Variants in PRPF19 observed in about 807,000 individuals in gnomAD.
PRPF19 encodes the protein pre-mRNA-processing factor 19.
A neutral mutation model predicts 64.2 loss-of-function variants in PRPF19; 2 were observed. The observed-to-expected ratio is 0.03, with a 90% CI of 0.01 to 0.10. PRPF19 has a LOEUF of 0.10. Ranked by LOEUF, PRPF19 falls within the 10% of genes least tolerant of loss-of-function variation. The pLI is 1.00. For missense variants in PRPF19, 314 were observed against 650.0 expected (o/e 0.48, Z 5.62); for synonymous variants, 226 against 251.6 (o/e 0.90, Z 0.96).
In PRPF19 at chr11:60,902,990, G is replaced by C. The variant is rs745505438; in HGVS notation, c.247-109C>G. On this transcript the variant is annotated intron_variant, in intron 3 of 15. Transcript: ENST00000227524. The surrounding 1 kb of genome is among the most constrained non-coding windows in gnomAD (Gnocchi z 5.0). The stretch of plus-strand genomic sequence containing the variant: ...GCCTCCTATCCCAGAGCCTAGACCA[G>C]TATCAGTGACCCAAACAATATCCGA... The C allele has an allele frequency of 3.6e-5, 53 of 1,481,196 alleles. No homozygotes were observed. The Admixed American group carries it at 5.5e-4, about 15-fold the overall frequency. The allele number at this position is 1,481,196 out of a possible 1,614,324, so 91.8% of individuals were successfully genotyped here. A position where few individuals can be genotyped will look rare whatever the true frequency, so the allele number is the denominator to read the frequency against.
chr11:60,894,497 G>A (rs1423454741), intron 15 of PRPF19, among the ~76,000 whole-genome samples: 1 of 152,020 alleles, frequency 6.6e-6, no homozygotes, highest in African/African-American at 2.4e-5. Flanking sequence ...ACTCCCCTTT[G>A]GATTCTAATT....
chr11:60,892,265 TTAAA>T (rs1196077433), intron 15 of PRPF19, among the ~76,000 whole-genome samples: 2 of 152,336 alleles, frequency 1.3e-5, no homozygotes, highest in Middle Eastern at 3.4e-3. Context: ...ATAATTGCAA[TTAAA>T]TGTGTACATG....
intron 15 of PRPF19, among the ~76,000 whole-genome samples, chr11:60,895,546 T>C (rs909997266): frequency 4.6e-5 from 7 of 152,262 alleles, no homozygotes; most frequent in African/African-American, 1.7e-4. Context: ...ATAAGGATGT[T>C]CTGCTTTCTT....
Position 60,906,510 on chromosome 11 carries a change from G to C in PRPF19, c.-128C>G, listed in dbSNP as rs538559064. On this transcript the variant is annotated 5_prime_UTR_variant, in exon 1 of 16. Coordinates refer to ENST00000227524, the MANE Select transcript of PRPF19 (RefSeq NM_014502.5). ...CGCGGCGAGCTGGGAGCCGCCAGCC[G>C]AGCGATGCTAGCGTAGCGCTTCACG... is the stretch of plus-strand genomic sequence containing the variant. The C allele has an allele frequency of 2.1e-5, 21 of 1,010,648 alleles. No homozygotes were observed. The highest frequency in any genetic ancestry group is 2.9e-5 in the Non-Finnish European group (20 of 693,378). 62.6% of individuals were successfully genotyped at this position (1,010,648 alleles called of 1,614,324 possible).
Position 60,890,897 on chromosome 11 carries a change from A to C in PRPF19, c.*269T>G. On this transcript the variant is annotated 3_prime_UTR_variant, in exon 16 of 16. Coordinates refer to ENST00000227524, the MANE Select transcript of PRPF19 (RefSeq NM_014502.5). ...CCACCACGTCCATTGAACGACAGGA[A>C]GGGAGAGGCCCTGGGCTCCGACCCT... 7.1e-6 allele frequency: 4 copies of C among 562,312 alleles called. No homozygotes were observed. The highest frequency in any genetic ancestry group is 1.9e-5 in the African/African-American group (1 of 53,928). The allele number at this position is 562,312 out of a possible 1,614,324, so 34.8% of individuals were successfully genotyped here.
rs1160732045 is a variant in PRPF19, at chr11:60,890,818, G to T, written c.*348C>A. 1 of 480,502 alleles carries T rather than the reference G, an allele frequency of 2.1e-6. No homozygotes were observed. The highest frequency in any genetic ancestry group is 2.3e-5 in the Admixed American group (1 of 43,256). 29.8% of individuals were successfully genotyped at this position (480,502 alleles called of 1,614,324 possible). A position where few individuals can be genotyped will look rare whatever the true frequency, so the allele number is the denominator to read the frequency against. The stretch of plus-strand genomic sequence containing the variant: ...GCCCATCCCCTTCACAGTTCCCTTG[G>T]CTCAGCCTCTCCTGTCTCACAGGAA... On this transcript the variant is annotated 3_prime_UTR_variant, in exon 16 of 16. Coordinates refer to ENST00000227524, the MANE Select transcript of PRPF19 (RefSeq NM_014502.5).
chr11:60,897,795 T>G, intron 15 of PRPF19, 51 bp downstream of exon 15: 1 of 1,516,888 alleles, frequency 6.6e-7, no homozygotes, highest in South Asian at 1.2e-5. Flanking sequence ...GAGGCTTCCC[T>G]CCGGGCCTGG....
At chr11:60,900,821 C>T (rs1462030888) in intron 9 of PRPF19, 33 bp downstream of exon 9, 3 of 1,613,312 alleles carry the variant, frequency 1.9e-6, no homozygotes, top group South Asian at 2.2e-5. Flanking sequence ...CCCCTCCCCA[C>T]TTTGGCCTGC....
chr11:60,891,471 T>A (rs1483693423), intron 15 of PRPF19, among the ~76,000 whole-genome samples: 2 of 152,146 alleles, frequency 1.3e-5, no homozygotes, highest in Non-Finnish European at 2.9e-5. Flanking sequence ...GTGGGATGAA[T>A]GAATAAAGCA....
At chr11:60,896,637 T>A (rs984642376) in intron 15 of PRPF19, among the ~76,000 whole-genome samples, 4 of 152,242 alleles carry the variant, frequency 2.6e-5, no homozygotes, top group Non-Finnish European at 5.9e-5. Flanking sequence ...CTGCTATGAC[T>A]GTAAGTTTCC....
Position 60,906,392 on chromosome 11 carries a change from A to ACCGTGCTCCGAGGCGCCACACG in PRPF19, c.-32_-11dup. The ACCGTGCTCCGAGGCGCCACACG allele has an allele frequency of 6.3e-7, 1 of 1,585,956 alleles. No homozygotes were observed. Among genetic ancestry groups the ACCGTGCTCCGAGGCGCCACACG allele is most frequent in the African/African-American group, 1.3e-5 (1 of 74,500 alleles). ...AGCAGATTAGGGACATGGCGCCGTC[A>ACCGTGCTCCGAGGCGCCACACG]CCGTGCTCCGAGGCGCCACACGCCG... is the stretch of plus-strand genomic sequence containing the variant. On this transcript the variant is annotated 5_prime_UTR_variant, in exon 1 of 16. Coordinates refer to ENST00000227524, the MANE Select transcript of PRPF19 (RefSeq NM_014502.5).
intron 3 of PRPF19, among the ~76,000 whole-genome samples, chr11:60,903,238 C>T (rs980985723): frequency 2.0e-5 from 3 of 152,120 alleles, no homozygotes; most frequent in Non-Finnish European, 4.4e-5. Flanking sequence ...GCCAGACAGT[C>T]CTGCAGGATG....
rs577035765 is a variant in PRPF19 at position 60,903,777 on chromosome 11, G to A, written c.104C>T (p.Ala35Val). The change falls in exon 2 of 16, where the codon GCG (alanine) becomes GTG (valine). Residue 35 changes from alanine (A) to valine (V), a missense_variant. This residue lies in a region of PRPF19 where 66 missense variants were observed against 88.4 expected (regional missense o/e 0.75). Coordinates refer to ENST00000227524, the MANE Select transcript of PRPF19 (RefSeq NM_014502.5). Reference protein sequence around the residue: ...YERRLIEKYIAENGTDPINNQ... With the variant: ...YERRLIEKYIVENGTDPINNQ... The stretch of plus-strand genomic sequence containing the variant: ...GTTGATGGGGTCGGTACCATTCTCC[G>A]CAATGTACTTCTCGATGAGCCGCCG... The A allele has an allele frequency of 4.4e-6, 7 of 1,605,044 alleles. No homozygotes were observed. The highest frequency in any genetic ancestry group is 5.9e-6 in the Non-Finnish European group (7 of 1,177,952).
intron 10 of PRPF19, 72 bp downstream of exon 10, chr11:60,900,510 G>C (rs990971704): frequency 3.3e-6 from 4 of 1,225,774 alleles, no homozygotes; most frequent in Non-Finnish European, 4.6e-6. Context: ...ACTTCACAGA[G>C]ACAGCAGCGG....
At position 60,898,669 on chromosome 11, in the gene PRPF19, G is replaced by A. The variant is rs781381629; in HGVS notation, c.1055-43C>T. On this transcript the variant is annotated intron_variant, in intron 12 of 15. Coordinates refer to ENST00000227524, the MANE Select transcript of PRPF19 (RefSeq NM_014502.5). This position sits in a 1 kb window ranked among gnomAD's most constrained non-coding sequence, Gnocchi z 4.6. ...GAGACCTGTGGTCAGAGCCCACCAG[G>A]GAGAGAGACTAAGAGCAGCAAAGGT... 1.6e-5 allele frequency: 26 copies of A among 1,613,064 alleles called. No homozygotes were observed. The African/African-American group carries it at 2.9e-4, about 18-fold the overall frequency.
At position 60,902,383 on chromosome 11, in the gene PRPF19, C is replaced by T; in HGVS notation, c.525+20G>A. ...AGTAAGGGCCCATCAGCACTCCCAC[C>T]AGGTGAGAGCAGGACTTACCTTCTG... On this transcript the variant is annotated intron_variant, in intron 6 of 15. Transcript: ENST00000227524. This position sits in a 1 kb window ranked among gnomAD's most constrained non-coding sequence, Gnocchi z 5.0. The T allele has an allele frequency of 6.2e-7, 1 of 1,610,058 alleles. No individual in the cohort carries two copies. The highest frequency in any genetic ancestry group is 1.3e-5 in the African/African-American group (1 of 74,948).
At chr11:60,900,345 AT>A (rs1434667829) in intron 10 of PRPF19, among the ~76,000 whole-genome samples, 1 of 152,226 alleles carries the variant, frequency 6.6e-6, no homozygotes, top group Non-Finnish European at 1.5e-5. Context: ...TTCAATGAAT[AT>A]GCTTGTCAAA....
At chr11:60,901,260 G>GCTGT in intron 8 of PRPF19, 35 bp downstream of exon 8, 1 of 1,607,322 alleles carries the variant, frequency 6.2e-7, no homozygotes, top group Non-Finnish European at 8.5e-7. Context: ...AAACGGGAGG[G>GCTGT]CTGTCTCCAA....
At chr11:60,900,397 T>C (rs1188249292) in intron 10 of PRPF19, among the ~76,000 whole-genome samples, 185 bp downstream of exon 10, 1 of 152,218 alleles carries the variant, frequency 6.6e-6, no homozygotes, top group Admixed American at 6.5e-5. Flanking sequence ...AGATCACTGC[T>C]TTAGAAGGTC....
Sources: gnomAD v4.1 joint callset for allele counts (sites outside exome capture counted in the v4.1 genomes callset) on GRCh38, gnomAD v4.1.1 for gene constraint, gnomAD v4.1.1 regional missense constraint, Gnocchi (gnomAD v3.1) non-coding constraint, MANE v1.5 for transcripts, NCBI Gene and HGNC (gene_info 2026-07-23, HGNC 2026-07-21) for gene names.